Variants in PCDHA1 observed in about 807,000 individuals in gnomAD.
PCDHA1 encodes protocadherin alpha-1.
In PCDHA1, 42 loss-of-function variants were observed where a neutral mutation model predicts 61.3. The observed-to-expected ratio is 0.69, with a 90% confidence interval of 0.54 to 0.89. The LOEUF is 0.89. PCDHA1 is among the 40% of genes least tolerant of loss of function. The pLI is 0.00. For missense variants in PCDHA1, 1,256 were observed against 1,235.3 expected (o/e 1.02, Z -0.25); for synonymous variants, 610 against 553.8 (o/e 1.10, Z -1.43).
intron 1 of PCDHA1, among the ~76,000 whole-genome samples, chr5:140,817,794 G>A (rs1031395082): frequency 6.6e-6 from 1 of 152,164 alleles, no homozygotes; most frequent in Admixed American, 6.5e-5. Flanking sequence ...TGCTGGTAAA[G>A]AAACCTTTAC....
At position 140,885,311 on chromosome 5, in the gene PCDHA1, T is replaced by C. The variant is rs3776122; in HGVS notation, c.2395-93638T>C. On this transcript the variant is annotated intron_variant, in intron 1 of 3. Transcript: ENST00000504120. Reference sequence around the variant, plus strand: ...AGAGAGAGACCTGGTAGGCTTTTTGTTATTATTTCTTTTCCAAAGTTTGAA... The same window carrying C: ...AGAGAGAGACCTGGTAGGCTTTTTGCTATTATTTCTTTTCCAAAGTTTGAA... Among the ~76,000 whole-genome samples, 52 of 152,304 alleles carry C rather than the reference T, an allele frequency of 3.4e-4. No individual in the cohort carries two copies. In the East Asian group the frequency reaches 7.5e-3, roughly 22 times the overall value.
chr5:140,869,373 C>A (rs782224697), intron 1 of PCDHA1: 1 of 1,614,102 alleles, frequency 6.2e-7, no homozygotes, highest in Non-Finnish European at 8.5e-7. Context: ...ATTCTCGGAT[C>A]GACCGCGAGG....
intron 1 of PCDHA1, chr5:140,876,327 G>T: frequency 6.2e-7 from 1 of 1,614,026 alleles, no homozygotes. Flanking sequence ...AAATGATTTT[G>T]CCAGTGAGTG....
At chr5:140,887,930 A>G (rs1276226662) in intron 1 of PCDHA1, among the ~76,000 whole-genome samples, 1 of 152,096 alleles carries the variant, frequency 6.6e-6, no homozygotes, top group Non-Finnish European at 1.5e-5. Context: ...CAGAGACCAT[A>G]TTTATTTCTT....
intron 1 of PCDHA1, chr5:140,829,244 G>A (rs1386334343): frequency 1.2e-5 from 19 of 1,614,148 alleles, no homozygotes; most frequent in Admixed American, 3.3e-5. Context: ...CAACGGGCAG[G>A]TGAACTGCTC....
chr5:140,889,441 C>G (rs2062226063), intron 1 of PCDHA1, among the ~76,000 whole-genome samples: 2 of 151,842 alleles, frequency 1.3e-5, no homozygotes, highest in African/African-American at 2.4e-5. Flanking sequence ...CAGGTATTTT[C>G]CTGTTTAATC....
chr5:140,943,302 A>G, intron 1 of PCDHA1, among the ~76,000 whole-genome samples: 1 of 151,674 alleles, frequency 6.6e-6, no homozygotes, highest in Non-Finnish European at 1.5e-5. Context: ...AATTTTGGGA[A>G]GTCATTATTA....
intron 1 of PCDHA1, chr5:140,811,105 C>G (rs1764793760): frequency 6.6e-6 from 1 of 152,154 alleles, no homozygotes; most frequent in Non-Finnish European, 1.5e-5. Context: ...GTTTGCTGCA[C>G]CCATCAACTC....
chr5:140,848,454 G>T, intron 1 of PCDHA1: 1 of 1,522,346 alleles, frequency 6.6e-7, no homozygotes, highest in Non-Finnish European at 8.9e-7. Context: ...CTTCTAATTT[G>T]GAGGCAATTT....
At chr5:140,947,655 A>G (rs942849633) in intron 1 of PCDHA1, among the ~76,000 whole-genome samples, 3 of 151,542 alleles carry the variant, frequency 2.0e-5, no homozygotes, top group Non-Finnish European at 4.4e-5. Context: ...ATATACCTCC[A>G]TTTACTTGGG....
chr5:140,840,468 A>G (rs2150307012), intron 1 of PCDHA1, among the ~76,000 whole-genome samples: 2 of 151,992 alleles, frequency 1.3e-5, no homozygotes, highest in Non-Finnish European at 2.9e-5. Context: ...AAGTTGGGGA[A>G]AAAAGTTTAA....
chr5:140,803,159 C>T (rs200661884), intron 1 of PCDHA1: 4 of 1,613,776 alleles, frequency 2.5e-6, no homozygotes, highest in African/African-American at 1.3e-5. Flanking sequence ...TGAAGGACCA[C>T]GGTGAACCCT....
chr5:140,819,080 C>A (rs1036053903), intron 1 of PCDHA1, among the ~76,000 whole-genome samples: 1 of 152,100 alleles, frequency 6.6e-6, no homozygotes, highest in Admixed American at 6.5e-5. Flanking sequence ...ATACAGGCAG[C>A]GCTAAGATGT....
Position 140,876,759 on chromosome 5 carries a change from T to C in PCDHA1, c.2394+88075T>C, listed in dbSNP as rs782783090. The C allele has an allele frequency of 1.2e-5, 19 of 1,614,028 alleles. No homozygotes were observed. In the Admixed American group the frequency reaches 2.8e-4, roughly 24 times the overall value. Reference sequence around the variant, plus strand: ...ATGAGCTGGTGGTGACTGCGCGGGATGGGGGCTCGCCTTCGCTGTGGGCCA... The same window carrying C: ...ATGAGCTGGTGGTGACTGCGCGGGACGGGGGCTCGCCTTCGCTGTGGGCCA... On this transcript the variant is annotated intron_variant, in intron 1 of 3. Transcript: ENST00000504120.
In PCDHA1 at chr5:140,871,306, A is replaced by T. The variant is rs782244596; in HGVS notation, c.2394+82622A>T. The T allele has an allele frequency of 3.7e-6, 6 of 1,613,964 alleles. No homozygotes were observed. In the East Asian group the frequency reaches 1.3e-4, roughly 36 times the overall value. ...CACTGAGGGCGCGTGCGCGCCGGGG[A>T]AGCCCACGCTGGTGTGCTCCCGCGC... On this transcript the variant is annotated intron_variant, in intron 1 of 3. Transcript: ENST00000504120.
chr5:140,827,867 C>A, intron 1 of PCDHA1: 1 of 615,732 alleles, frequency 1.6e-6, no homozygotes, highest in African/African-American at 1.8e-5. Context: ...TATGGTATAG[C>A]ACTGTTACGT....
At chr5:140,843,512 G>C (rs2150361484) in intron 1 of PCDHA1, 9 of 1,595,848 alleles carry the variant, frequency 5.6e-6, no homozygotes, top group Non-Finnish European at 7.7e-6. Flanking sequence ...CACTGAGGGC[G>C]GGTGCCGGGC....
chr5:140,822,397 C>A, intron 1 of PCDHA1: 1 of 1,613,980 alleles, frequency 6.2e-7, no homozygotes, highest in Non-Finnish European at 8.5e-7. Context: ...ACAAGAACAC[C>A]GTTTATTAGT....
intron 1 of PCDHA1, chr5:140,842,811 G>A: frequency 6.3e-7 from 1 of 1,594,024 alleles, no homozygotes; most frequent in Non-Finnish European, 8.6e-7. Context: ...CTTGTGGAGC[G>A]GCGGGTGGGC....
Sources: allele counts gnomAD v4.1 joint callset (sites outside exome capture counted in the v4.1 genomes callset), GRCh38; gene constraint gnomAD v4.1.1; transcripts MANE v1.5; gene names NCBI Gene and HGNC (gene_info 2026-07-23, HGNC 2026-07-21).